The following COG1 variants were observed in gnomAD, a reference collection of about 807,000 sequenced individuals.
COG1 encodes the protein component of oligomeric golgi complex 1, also known as conserved oligomeric Golgi complex subunit 1.
A neutral mutation model predicts 102.2 loss-of-function variants in COG1; 61 were observed. The ratio of observed to expected loss-of-function variants is 0.60; its 90% CI spans 0.49 to 0.74. The LOEUF (loss-of-function observed/expected upper bound fraction) is 0.74. Among genes scored for constraint, COG1 ranks in the 30% least tolerant of loss-of-function variants. COG1 has a pLI of 0.00. For missense variants in COG1, 1,164 were observed against 1,232.1 expected, an observed-to-expected ratio of 0.94 and a Z score of 0.83; for synonymous variants, 454 against 493.6, an observed-to-expected ratio of 0.92 and a Z score of 1.06.
rs1189503554 is a variant in COG1, at chr17:73,201,220, A to G, written c.1393A>G (p.Ile465Val). 6 of 1,614,144 alleles carry G rather than the reference A, an allele frequency of 3.7e-6. No individual in the cohort carries two copies. The highest frequency in any genetic ancestry group is 5.1e-6 in the Non-Finnish European group (6 of 1,180,012). The change falls in exon 7 of 14, where the codon ATC (isoleucine) becomes GTC (valine). Residue 465 changes from isoleucine (I) to valine (V), a missense_variant. Transcript: ENST00000299886. ...STSNSPSNKH[I>V]HFEYNMSLFL... ...CAGCAACTCCCCTTCAAATAAGCACATCCACTTTGAGTACAACATGTCGCT... is the reference window on the plus strand; with the variant it reads ...CAGCAACTCCCCTTCAAATAAGCACGTCCACTTTGAGTACAACATGTCGCT...
chr17:73,204,554 C>CTTT (rs575425786), intron 9 of COG1, among the ~76,000 whole-genome samples: 98 of 95,886 alleles, frequency 1.0e-3, no homozygotes, highest in East Asian at 2.2e-3. Context: ...TCATTAGTAA[C>CTTT]TTTTTTTTTT....
intron 1 of COG1, among the ~76,000 whole-genome samples, chr17:73,193,836 A>G (rs1205935003): frequency 6.6e-6 from 1 of 152,024 alleles, no homozygotes. Flanking sequence ...CCCAAGAATA[A>G]CTTCCACAAC....
intron 1 of COG1, among the ~76,000 whole-genome samples, chr17:73,195,364 G>A (rs2061321343): frequency 6.6e-6 from 1 of 152,228 alleles, no homozygotes; most frequent in African/African-American, 2.4e-5. Flanking sequence ...GCTCATGCCA[G>A]CACTTTGGGA....
intron 2 of COG1, 37 bp from the exon 3 acceptor site, chr17:73,196,862 GA>G: frequency 6.2e-7 from 1 of 1,613,982 alleles, no homozygotes. Flanking sequence ...CCCAAGATGT[GA>G]AAAACACCCT....
chr17:73,205,675 C>A lies in COG1; in HGVS notation c.2505C>A (p.Asp835Glu). The A allele has an allele frequency of 6.2e-7, 1 of 1,613,730 alleles. No homozygotes were observed. Among genetic ancestry groups the A allele is most frequent in the Non-Finnish European group, 8.5e-7 (1 of 1,180,014 alleles). The stretch of plus-strand genomic sequence containing the variant: ...TGAAGAGTGGCCGGAGCAAGCCAGA[C>A]TCCAGGTGTCGTATCCTCTAGGGAG... ...DEVKSGRSKP[D>E]SRIEKVTDHL... The change falls in exon 10 of 14, where the codon GAC (aspartate) becomes GAA (glutamate). Residue 835 changes from aspartate to glutamate, a missense_variant. Coordinates refer to ENST00000299886, the MANE Select transcript of COG1 (RefSeq NM_018714.3).
At chr17:73,208,236 A>T in intron 13 of COG1, 78 bp from the exon 14 acceptor site, 2 of 1,607,098 alleles carry the variant, frequency 1.2e-6, no homozygotes, top group Admixed American at 1.7e-5. Flanking sequence ...GTGGACTCCG[A>T]GTGGCGTCGC....
At chr17:73,206,296 G>T in intron 11 of COG1, 34 bp downstream of exon 11, 2 of 1,497,168 alleles carry the variant, frequency 1.3e-6, no homozygotes, top group Non-Finnish European at 1.9e-6. Context: ...TAGTGCGAAC[G>T]AAGCGATACA....
chr17:73,201,314 G>C lies in COG1; in HGVS notation c.1487G>C (p.Gly496Ala), dbSNP rs535998327. 1.2e-6 allele frequency: 2 copies of C among 1,614,206 alleles called. No homozygotes were observed. The highest frequency in any genetic ancestry group is 1.7e-6 in the Non-Finnish European group (2 of 1,180,032). ...GCCTGGGTCAGCGTGGCAAACCGGG[G>C]TCAGTTTGCCAGTAGCGGCCTCTCC... is the stretch of plus-strand genomic sequence containing the variant. ...DAAWVSVANR[G>A]QFASSGLSMK... Residue 496 changes from glycine to alanine, a missense_variant, in exon 7 of 14, where the codon GGT becomes GCT. Coordinates refer to ENST00000299886, the MANE Select transcript of COG1 (RefSeq NM_018714.3).
Position 73,196,705 on chromosome 17 carries a change from C to T in COG1, c.514C>T (p.Arg172Trp), listed in dbSNP as rs751120141. The T allele has an allele frequency of 1.9e-5, 31 of 1,614,008 alleles. No individual in the cohort carries two copies. Among genetic ancestry groups the T allele is most frequent in the Non-Finnish European group, 2.3e-5 (27 of 1,180,038 alleles). Reference protein sequence around the residue: ...SSSRYSPVLSRFPILIRQVAA... With the variant: ...SSSRYSPVLSWFPILIRQVAA... ...TTCCCGATACAGTCCCGTCCTCTCC[C>T]GGTTTCCTATACTCATCCGGCAGGT... Residue 172 changes from arginine (R) to tryptophan (W), a missense_variant, in exon 2 of 14, where the codon CGG becomes TGG. Physicochemically the swap from Arg to Trp is moderately radical, Grantham distance 101 (BLOSUM62 -3). Transcript: ENST00000299886.
chr17:73,208,077 T>C (rs1388068719), intron 13 of COG1: 2 of 1,417,538 alleles, frequency 1.4e-6, no homozygotes, highest in Non-Finnish European at 1.8e-6. Flanking sequence ...AGTGCCTGTG[T>C]CTACCCTTTT....
intron 13 of COG1, 72 bp downstream of exon 13, chr17:73,207,328 C>G: frequency 7.5e-7 from 1 of 1,339,396 alleles, no homozygotes; most frequent in South Asian, 1.2e-5. Flanking sequence ...ATGATCAGCT[C>G]CCTTTTAAAT....
chr17:73,202,049 CTT>C, intron 7 of COG1, 149 bp downstream of exon 7: 1 of 939,694 alleles, frequency 1.1e-6, no homozygotes. Flanking sequence ...TCAGTAAAAA[CTT>C]TTTTGGCCGG....
chr17:73,203,276 G>A, intron 8 of COG1, 130 bp downstream of exon 8: 3 of 1,197,284 alleles, frequency 2.5e-6, no homozygotes, highest in Non-Finnish European at 3.6e-6. Context: ...TTCTACTGTG[G>A]GGGCATAGTA....
chr17:73,206,427 T>TGC (rs1491521497), intron 11 of COG1, among the ~76,000 whole-genome samples, 165 bp downstream of exon 11: 7 of 151,986 alleles, frequency 4.6e-5, no homozygotes, highest in Non-Finnish European at 8.8e-5. Context: ...TTAGATAAAA[T>TGC]CTCACACACT....
intron 13 of COG1, chr17:73,208,008 G>T: frequency 1.5e-6 from 2 of 1,300,386 alleles, no homozygotes; most frequent in Non-Finnish European, 2.0e-6. Context: ...TTCCAGAACA[G>T]TTTCCACTGC....
At chr17:73,205,857 A>G (rs2061368621) in intron 10 of COG1, 177 bp downstream of exon 10, 1 of 823,652 alleles carries the variant, frequency 1.2e-6, no homozygotes, top group Admixed American at 2.0e-5. Flanking sequence ...GATAAATGCA[A>G]TGGTCAAGTG....
intron 7 of COG1, among the ~76,000 whole-genome samples, chr17:73,202,118 GCGAGGTCAGGAGAT>G (rs1299260115): frequency 6.6e-6 from 1 of 152,052 alleles, no homozygotes; most frequent in Non-Finnish European, 1.5e-5. Context: ...TGGGCAGATC[GCGAGGTCAGGAGAT>G]CGAGACCATC....
rs2061367946 is a variant in COG1 at position 73,205,741 on chromosome 17, T to G, written c.2510+61T>G. On this transcript the variant is annotated intron_variant, in intron 10 of 13. Transcript: ENST00000299886. ...CTCTTCCAAAAGCAAATAGTCCCTT[T>G]GCTGGGAAGCCACCAGAGTCAGCCT... is the stretch of plus-strand genomic sequence containing the variant. The G allele has an allele frequency of 1.9e-6, 3 of 1,606,764 alleles. No homozygotes were observed. In the African/African-American group the frequency reaches 4.0e-5, roughly 21 times the overall value.
At position 73,206,808 on chromosome 17, in the gene COG1, G is replaced by C. The variant is rs1302879626; in HGVS notation, c.2720G>C (p.Ser907Thr). The C allele has an allele frequency of 6.2e-7, 1 of 1,613,058 alleles. No homozygotes were observed. The highest frequency in any genetic ancestry group is 2.2e-5 in the East Asian group (1 of 44,858). ...CATAACATCCTGCCACTGGCATCCA[G>C]TCAGATCAGGTAAAGGCTGCCAAGA... Reference protein sequence around the residue: ...EPHNILPLASSQIRFGLLPLS... With the variant: ...EPHNILPLASTQIRFGLLPLS... The change falls in exon 12 of 14, where the codon AGT becomes ACT. Residue 907 changes from serine to threonine, a missense_variant. Transcript: ENST00000299886.
Sources: allele counts gnomAD v4.1 joint callset (sites outside exome capture counted in the v4.1 genomes callset), GRCh38; gene constraint gnomAD v4.1.1; transcripts MANE v1.5; gene names NCBI Gene and HGNC (gene_info 2026-07-23, HGNC 2026-07-21).